ZDHHC15: variants seen among roughly 807,000 people sequenced by gnomAD.
ZDHHC15 encodes palmitoyltransferase ZDHHC15.
A neutral mutation model predicts 31.7 loss-of-function variants in ZDHHC15; 19 were observed. That is an observed-to-expected ratio of 0.60 (90% CI 0.42 to 0.88). ZDHHC15 has a LOEUF of 0.88. Among genes scored for constraint, ZDHHC15 ranks in the 40% least tolerant of loss-of-function variants. The probability of loss-of-function intolerance (pLI) is 0.00; values close to 1 mark genes in which losing one functional copy is unlikely to be tolerated. For missense variants in ZDHHC15, 209 were observed against 251.2 expected (o/e 0.83, Z 1.14); for synonymous variants, 103 against 90.0 (o/e 1.14, Z -0.82).
chrX:75,437,075 G>T (rs959451280), intron 4 of ZDHHC15, among the ~76,000 whole-genome samples: 1 of 109,824 alleles, frequency 9.1e-6, no homozygotes, highest in African/African-American at 3.3e-5. Flanking sequence ...TAGAGATGGG[G>T]TTTCACCGTG....
intron 3 of ZDHHC15, among the ~76,000 whole-genome samples, chrX:75,464,378 T>A (rs1374701288): frequency 9.0e-6 from 1 of 110,995 alleles, no homozygotes; most frequent in East Asian, 2.8e-4. Flanking sequence ...GGCACATGTA[T>A]ACATATGTAA....
At chrX:75,417,845 G>A (rs1336514406) in intron 9 of ZDHHC15, among the ~76,000 whole-genome samples, 1 of 111,969 alleles carries the variant, frequency 8.9e-6, no homozygotes, top group Non-Finnish European at 1.9e-5. Context: ...CTGGCTAGAA[G>A]AGGCTACAGT....
At chrX:75,422,024 A>T (rs747312044) in intron 8 of ZDHHC15, 34 bp from the exon 9 acceptor site, 2 of 1,179,564 alleles carry the variant, frequency 1.7e-6, no homozygotes, top group South Asian at 2.0e-5. Flanking sequence ...AGAAAAGAGG[A>T]AGAAAGCAAT....
At chrX:75,479,071 T>C in intron 2 of ZDHHC15, 86 bp from the exon 3 acceptor site, 1 of 614,832 alleles carries the variant, frequency 1.6e-6, no homozygotes. Flanking sequence ...GACGAATTTT[T>C]ATTGTTTTCT....
intron 2 of ZDHHC15, among the ~76,000 whole-genome samples, chrX:75,491,130 A>G (rs781265958): frequency 9.0e-6 from 1 of 111,543 alleles, no homozygotes; most frequent in South Asian, 3.8e-4. Flanking sequence ...TACTGGGTAT[A>G]TACCCAAAGG....
chrX:75,518,209 G>T (rs1255602634), intron 1 of ZDHHC15, among the ~76,000 whole-genome samples: 1 of 111,245 alleles, frequency 9.0e-6, no homozygotes, highest in African/African-American at 3.3e-5. Flanking sequence ...GAAAATGTTT[G>T]CAAATAACGT....
chrX:75,496,649 C>G (rs2085004448), intron 2 of ZDHHC15, among the ~76,000 whole-genome samples: 2 of 111,500 alleles, frequency 1.8e-5, no homozygotes, highest in Admixed American at 9.6e-5. Context: ...GAAATTATAT[C>G]AAGTACTCTC....
chrX:75,439,670 C>T (rs1358552275), intron 4 of ZDHHC15, among the ~76,000 whole-genome samples: 1 of 111,936 alleles, frequency 8.9e-6, no homozygotes, highest in Non-Finnish European at 1.9e-5. Context: ...CTGGGCAATT[C>T]ACAGGATTCT....
At chrX:75,465,250 G>T (rs1247037588) in intron 3 of ZDHHC15, among the ~76,000 whole-genome samples, 1 of 111,715 alleles carries the variant, frequency 9.0e-6, no homozygotes, top group Non-Finnish European at 1.9e-5. Flanking sequence ...GCTAACAAGA[G>T]AAGTGAAAGA....
At chrX:75,474,065 T>C (rs920056756) in intron 3 of ZDHHC15, among the ~76,000 whole-genome samples, 7 of 111,041 alleles carry the variant, frequency 6.3e-5, no homozygotes, top group African/African-American at 2.0e-4. Context: ...TGGTTAATAC[T>C]GAGTGTCAAC....
intron 3 of ZDHHC15, among the ~76,000 whole-genome samples, chrX:75,465,510 G>A (rs900613846): frequency 1.5e-4 from 17 of 111,577 alleles, no homozygotes; most frequent in African/African-American, 4.9e-4. Context: ...ACAATCCTAA[G>A]AAAAAAGCTA....
At chrX:75,474,414 A>T (rs1040049510) in intron 3 of ZDHHC15, among the ~76,000 whole-genome samples, 2 of 98,732 alleles carry the variant, frequency 2.0e-5, no homozygotes, top group Non-Finnish European at 4.1e-5. Context: ...GTGTGAATTA[A>T]TACTTAATAA....
At chrX:75,379,305 T>C in intron 10 of ZDHHC15, 107 bp from the exon 11 acceptor site, 1 of 809,947 alleles carries the variant, frequency 1.2e-6, no homozygotes, top group Admixed American at 2.4e-5. Context: ...AGGCAACAGA[T>C]ACCTGCAAAC....
At chrX:75,495,028 T>C (rs1482802271) in intron 2 of ZDHHC15, among the ~76,000 whole-genome samples, 2 of 111,597 alleles carry the variant, frequency 1.8e-5, no homozygotes, top group Non-Finnish European at 3.8e-5. Context: ...TTTTGCAATA[T>C]ACTCATCTGT....
At chrX:75,496,665 C>T (rs1051312112) in intron 2 of ZDHHC15, among the ~76,000 whole-genome samples, 1 of 111,380 alleles carries the variant, frequency 9.0e-6, no homozygotes, top group Non-Finnish European at 1.9e-5. Flanking sequence ...CTCTCACAGA[C>T]AACAGTGGAA....
At chrX:75,437,131 C>T (rs1300387197) in intron 4 of ZDHHC15, among the ~76,000 whole-genome samples, 155 of 111,001 alleles carry the variant, frequency 1.4e-3, no homozygotes, top group Non-Finnish European at 1.6e-3. Flanking sequence ...TCCGCCCGCC[C>T]CGGCCACCCA....
At chrX:75,440,463 T>C (rs954543215) in intron 4 of ZDHHC15, among the ~76,000 whole-genome samples, 1 of 111,575 alleles carries the variant, frequency 9.0e-6, no homozygotes, top group African/African-American at 3.3e-5. Flanking sequence ...GTATTTTTAG[T>C]AGAGACAGGG....
chrX:75,522,812 G>T, intron 1 of ZDHHC15, 77 bp downstream of exon 1: 1 of 1,154,821 alleles, frequency 8.7e-7, no homozygotes, highest in Non-Finnish European at 1.2e-6. Context: ...AGAACACAAG[G>T]GACACCAGTG....
At chrX:75,518,733 C>A (rs2085397517) in intron 1 of ZDHHC15, among the ~76,000 whole-genome samples, 1 of 88,840 alleles carries the variant, frequency 1.1e-5, no homozygotes, top group Non-Finnish European at 2.1e-5. Flanking sequence ...AGAAATAGCC[C>A]AAATGGCCAT....
Sources: gnomAD v4.1 joint callset for allele counts (sites outside exome capture counted in the v4.1 genomes callset) on GRCh38, gnomAD v4.1.1 for gene constraint, MANE v1.5 for transcripts, NCBI Gene and HGNC (gene_info 2026-07-23, HGNC 2026-07-21) for gene names.